Variants in ITGA6 observed in about 807,000 individuals in gnomAD.
ITGA6 encodes the protein integrin alpha-6.
In ITGA6, 63 loss-of-function variants were observed where a neutral mutation model predicts 133.6. The ratio of observed to expected loss-of-function variants is 0.47; its 90% CI spans 0.38 to 0.58. The LOEUF (loss-of-function observed/expected upper bound fraction) is 0.58. Among genes scored for constraint, ITGA6 ranks in the 20% least tolerant of loss-of-function variants. The probability of loss-of-function intolerance (pLI) is 0.00; values close to 1 mark genes in which losing one functional copy is unlikely to be tolerated. For synonymous variants in ITGA6, 434 were observed against 482.0 expected, an observed-to-expected ratio of 0.90 and a Z score of 1.30; for missense variants, 1,068 against 1,309.4, an observed-to-expected ratio of 0.82 and a Z score of 2.85.
intron 1 of ITGA6, among the ~76,000 whole-genome samples, chr2:172,460,111 G>A (rs1685371780): frequency 6.6e-6 from 1 of 152,338 alleles, no homozygotes; most frequent in Middle Eastern, 3.4e-3. Context: ...TTCTTTTGAG[G>A]CTGAGGGCTT....
chr2:172,486,327 T>C (rs1270625628), intron 13 of ITGA6, among the ~76,000 whole-genome samples: 1 of 152,166 alleles, frequency 6.6e-6, no homozygotes, highest in African/African-American at 2.4e-5. Flanking sequence ...TGTCAATCAT[T>C]TTTGTCACCA....
chr2:172,464,979 G>T (rs1272516656), intron 1 of ITGA6, among the ~76,000 whole-genome samples: 1 of 151,904 alleles, frequency 6.6e-6, no homozygotes, highest in Non-Finnish European at 1.5e-5. Flanking sequence ...GGCCAAGGCT[G>T]CAAGTGAATA....
chr2:172,454,217 A>G (rs961015349), intron 1 of ITGA6, among the ~76,000 whole-genome samples: 4 of 151,662 alleles, frequency 2.6e-5, no homozygotes, highest in South Asian at 2.1e-4. Flanking sequence ...CCGAGTAGCT[A>G]GGACTACAGG....
chr2:172,495,080 TC>T (rs1314499089), intron 23 of ITGA6, among the ~76,000 whole-genome samples: 2 of 152,316 alleles, frequency 1.3e-5, no homozygotes, highest in South Asian at 2.1e-4. Flanking sequence ...GAAAATCCCT[TC>T]ATTGGGTGAC....
At chr2:172,460,285 T>C (rs1389566777) in intron 1 of ITGA6, among the ~76,000 whole-genome samples, 1 of 152,340 alleles carries the variant, frequency 6.6e-6, no homozygotes, top group African/African-American at 2.4e-5. Flanking sequence ...AGCTGGTAGA[T>C]AGCAAGACAT....
At position 172,427,640 on chromosome 2, in the gene ITGA6, G is replaced by C; in HGVS notation, c.-149G>C. ...CCGCGAGGGGGAGCGGCCGGACGGA[G>C]AGCGCGACCCGTCCCGGGGGTGGGG... is the stretch of plus-strand genomic sequence containing the variant. On this transcript the variant is annotated 5_prime_UTR_variant, in exon 1 of 26. Coordinates refer to ENST00000684293, the MANE Select transcript of ITGA6 (RefSeq NM_000210.4). The C allele has an allele frequency of 8.5e-6, 11 of 1,296,304 alleles. No homozygotes were observed. Among genetic ancestry groups the C allele is most frequent in the Non-Finnish European group, 1.1e-5 (11 of 1,025,206 alleles). 80.3% of individuals were successfully genotyped at this position (1,296,304 alleles called of 1,614,324 possible). A position where few individuals can be genotyped will look rare whatever the true frequency, so the allele number is the denominator to read the frequency against.
intron 13 of ITGA6, among the ~76,000 whole-genome samples, chr2:172,485,662 CA>C (rs1235729543): frequency 6.6e-6 from 1 of 152,094 alleles, no homozygotes; most frequent in Non-Finnish European, 1.5e-5. Flanking sequence ...CAAGGAATAT[CA>C]AAATTCAGCA....
chr2:172,435,477 T>C (rs555917453), intron 1 of ITGA6, among the ~76,000 whole-genome samples: 1 of 152,232 alleles, frequency 6.6e-6, no homozygotes, highest in East Asian at 1.9e-4. Flanking sequence ...TGGAAATGTT[T>C]ACAATTCTAC....
intron 4 of ITGA6, among the ~76,000 whole-genome samples, chr2:172,470,440 A>AC (rs151046211): frequency 0.062 from 9,392 of 152,224 alleles, 594 homozygotes; most frequent in African/African-American, 0.17. Context: ...TGCTTTATAA[A>AC]CCTGACCTAA....
chr2:172,431,834 G>A (rs532071105), intron 1 of ITGA6, among the ~76,000 whole-genome samples: 1 of 152,100 alleles, frequency 6.6e-6, no homozygotes, highest in South Asian at 2.1e-4. Context: ...GTAATGACAG[G>A]GTTGGGGAAA....
intron 1 of ITGA6, among the ~76,000 whole-genome samples, chr2:172,434,125 A>G: frequency 6.6e-6 from 1 of 152,142 alleles, no homozygotes; most frequent in East Asian, 1.9e-4. Context: ...GCTTGGCACT[A>G]ATGTTTGCTA....
At chr2:172,459,935 G>A (rs1456016033) in intron 1 of ITGA6, among the ~76,000 whole-genome samples, 1 of 152,156 alleles carries the variant, frequency 6.6e-6, no homozygotes, top group East Asian at 1.9e-4. Context: ...TGGCTTGGGA[G>A]CTTAGAGAAG....
intron 1 of ITGA6, among the ~76,000 whole-genome samples, chr2:172,447,299 G>A (rs1026963047): frequency 1.3e-5 from 2 of 152,116 alleles, no homozygotes; most frequent in Non-Finnish European, 1.5e-5. Flanking sequence ...CCGCCTCCCA[G>A]GTTCAAGCTA....
intron 1 of ITGA6, among the ~76,000 whole-genome samples, chr2:172,445,652 T>TA (rs548737006): frequency 0.065 from 9,041 of 138,096 alleles, 390 homozygotes; most frequent in East Asian, 0.26. Flanking sequence ...CCGTCTTTTT[T>TA]AAAAAAAAAA....
At chr2:172,503,702 C>T (rs369720122) in intron 25 of ITGA6, 1 of 153,504 alleles carries the variant, frequency 6.5e-6, no homozygotes, top group African/African-American at 2.4e-5. Flanking sequence ...ATGAAATAAT[C>T]TTTGGTTTAT....
chr2:172,485,059 T>C, intron 12 of ITGA6, 62 bp from the exon 13 acceptor site: 2 of 1,601,566 alleles, frequency 1.2e-6, no homozygotes, highest in Admixed American at 1.7e-5. Flanking sequence ...AAAATCATTG[T>C]TTTGGAATTC....
intron 11 of ITGA6, among the ~76,000 whole-genome samples, chr2:172,483,074 G>A (rs1686519964): frequency 6.6e-6 from 1 of 152,194 alleles, no homozygotes. Context: ...GTAGAGACTG[G>A]AGAGATGGAA....
chr2:172,498,144 C>T lies in ITGA6; in HGVS notation c.3114+44C>T, dbSNP rs1461413200. On this transcript the variant is annotated intron_variant, in intron 24 of 25. Transcript: ENST00000684293. ...TTGAATTTCATAACAAACTTTATTT[C>T]ATGTTTTAAAAAATGGGAATCAGCA... 2.5e-6 allele frequency: 4 copies of T among 1,584,866 alleles called. No homozygotes were observed. In the South Asian group the frequency reaches 3.3e-5, roughly 13 times the overall value.
At chr2:172,478,474 G>T (rs1559142621) in intron 9 of ITGA6, among the ~76,000 whole-genome samples, 1 of 152,322 alleles carries the variant, frequency 6.6e-6, no homozygotes, top group East Asian at 1.9e-4. Flanking sequence ...GGGGAGCAAT[G>T]GAGGTGGGCC....
Sources: gnomAD v4.1 joint callset for allele counts (sites outside exome capture counted in the v4.1 genomes callset) on GRCh38, gnomAD v4.1.1 for gene constraint, MANE v1.5 for transcripts, NCBI Gene and HGNC (gene_info 2026-07-23, HGNC 2026-07-21) for gene names.